The following C17orf75 variants were observed in gnomAD, a reference collection of about 807,000 sequenced individuals.
C17orf75 encodes the protein chromosome 17 open reading frame 75.
A neutral mutation model predicts 49.6 loss-of-function variants in C17orf75; 32 were observed. That is an observed-to-expected ratio of 0.65 (90% CI 0.49 to 0.87). The LOEUF (loss-of-function observed/expected upper bound fraction) is 0.87, where lower values mean the gene tolerates loss of function less well. Ranked by LOEUF, C17orf75 falls within the 40% of genes least tolerant of loss-of-function variation. The probability of loss-of-function intolerance (pLI) is 0.00; values close to 1 mark genes in which losing one functional copy is unlikely to be tolerated. For missense variants in C17orf75, 428 were observed against 473.9 expected, an observed-to-expected ratio of 0.90 and a Z score of 0.90; for synonymous variants, 158 against 159.5, an observed-to-expected ratio of 0.99 and a Z score of 0.07.
intron 1 of C17orf75, among the ~76,000 whole-genome samples, chr17:32,347,466 G>C (rs2041433933): frequency 6.6e-6 from 1 of 151,804 alleles, no homozygotes; most frequent in African/African-American, 2.4e-5. Flanking sequence ...TTTTTTAGTA[G>C]AGACAGGGTT....
At position 32,331,015 on chromosome 17, in the gene C17orf75, A is replaced by T. The variant is rs1354840551; in HGVS notation, c.*748T>A. Reference sequence around the variant, plus strand: ...CAGGCGCCCGCCACCATGCCCGGCTAATTTTTTGTATTTTAGTAGAGACGG... The same window carrying T: ...CAGGCGCCCGCCACCATGCCCGGCTTATTTTTTGTATTTTAGTAGAGACGG... On this transcript the variant is annotated 3_prime_UTR_variant, in exon 10 of 10. Coordinates refer to ENST00000577809, the MANE Select transcript of C17orf75 (RefSeq NM_022344.4). The T allele has an allele frequency of 6.6e-6, 1 of 152,268 alleles. No individual in the cohort carries two copies. The highest frequency in any genetic ancestry group is 1.9e-4 in the East Asian group (1 of 5,202). The allele number at this position is 152,268 out of a possible 1,614,324, so 9.4% of individuals were successfully genotyped here.
upstream of C17orf75, chr17:32,343,618 T>G (rs2041401290): frequency 4.3e-6 from 2 of 468,184 alleles, no homozygotes; most frequent in East Asian, 7.2e-5. Flanking sequence ...ACTCATTTGA[T>G]GAACAAGTGA....
chr17:32,346,728 A>G (rs2041428386), upstream of C17orf75, among the ~76,000 whole-genome samples: 1 of 152,092 alleles, frequency 6.6e-6, no homozygotes, highest in African/African-American at 2.4e-5. Flanking sequence ...ACACGCCACT[A>G]GGCCCAGCTA....
rs1849708226 is a variant in C17orf75 at position 32,334,790 on chromosome 17, T to G, written c.719A>C (p.Lys240Thr). Residue 240 changes from lysine to threonine, a missense_variant, in exon 7 of 10, where the codon AAG (lysine) becomes ACG (threonine). By Grantham distance (78) the Lys-to-Thr change is moderately conservative. Transcript: ENST00000577809. ...VEVKESDEKT[K>T]RDINRFLSVA... ...TGTTCTTTACCTGTTAATGTCTCTC[T>G]TTGTTTTTTCATCTGATTCTTTAAC... 1.2e-6 allele frequency: 2 copies of G among 1,606,588 alleles called. No individual in the cohort carries two copies. The highest frequency in any genetic ancestry group is 3.4e-5 in the Admixed American group (2 of 58,774).
chr17:32,341,271 G>A lies in C17orf75; in HGVS notation c.154C>T (p.Arg52Ter), dbSNP rs768439753. ...SYRGSRLAQQRGDSEDGSPSG... is the reference protein window; with the variant it reads ...SYRGSRLAQQ The stretch of plus-strand genomic sequence containing the variant: ...GGGCTTCCGTCCTCACTGTCCCCTC[G>A]TTGCTGTGCCAATCTACAAGCCACA... Residue 52 changes from arginine to a stop codon, truncating the protein, a stop_gained, in exon 2 of 10, where the codon CGA becomes TGA. Transcript: ENST00000577809. LOFTEE classifies it high-confidence loss of function. The A allele has an allele frequency of 1.7e-5, 27 of 1,613,756 alleles. No homozygotes were observed. Among genetic ancestry groups the A allele is most frequent in the Non-Finnish European group, 2.0e-5 (24 of 1,179,884 alleles).
At chr17:32,337,022 A>G (rs1050918296) in intron 5 of C17orf75, among the ~76,000 whole-genome samples, 3 of 152,120 alleles carry the variant, frequency 2.0e-5, no homozygotes, top group Non-Finnish European at 4.4e-5. Flanking sequence ...ATGGTGGTGC[A>G]TGCCTGTGGT....
At chr17:32,341,419 G>C (rs2041379568) in intron 1 of C17orf75, 135 bp from the exon 2 acceptor site, 3 of 851,720 alleles carry the variant, frequency 3.5e-6, no homozygotes, top group Non-Finnish European at 5.8e-6. Context: ...CTATCCTCAT[G>C]ACAAGGAAAA....
intron 5 of C17orf75, among the ~76,000 whole-genome samples, chr17:32,336,184 G>A (rs1303477665): frequency 6.6e-6 from 1 of 152,156 alleles, no homozygotes; most frequent in Non-Finnish European, 1.5e-5. Context: ...TGAGAGTCAT[G>A]ACTAACAACT....
intron 9 of C17orf75, among the ~76,000 whole-genome samples, chr17:32,333,023 C>T (rs998242017): frequency 3.3e-5 from 5 of 152,166 alleles, no homozygotes; most frequent in African/African-American, 1.2e-4. Flanking sequence ...GTTGGCCAGG[C>T]TGGTCTTGAA....
Position 32,333,416 on chromosome 17 carries a change from C to A in C17orf75, c.975+1G>T. ...CACTTGGCACACAGCCAACTAATTACCTTTAGTTTAAAGTTCTCCAGTACT... is the reference window on the plus strand; with the variant it reads ...CACTTGGCACACAGCCAACTAATTAACTTTAGTTTAAAGTTCTCCAGTACT... On this transcript the variant is annotated splice_donor_variant, in intron 9 of 9. Transcript: ENST00000577809. LOFTEE classifies it high-confidence loss of function. 1.9e-6 allele frequency: 3 copies of A among 1,596,956 alleles called. No individual in the cohort carries two copies. Among genetic ancestry groups the A allele is most frequent in the Non-Finnish European group, 2.6e-6 (3 of 1,170,882 alleles).
chr17:32,349,450 G>A (rs1243845757), intron 1 of C17orf75, among the ~76,000 whole-genome samples: 1 of 151,974 alleles, frequency 6.6e-6, no homozygotes, highest in Non-Finnish European at 1.5e-5. Flanking sequence ...GCTTGGTGGC[G>A]CGGGCCTGCA....
intron 9 of C17orf75, among the ~76,000 whole-genome samples, chr17:32,332,889 A>G (rs1428507284): frequency 6.6e-6 from 1 of 152,144 alleles, no homozygotes; most frequent in Non-Finnish European, 1.5e-5. Flanking sequence ...GGCTCACTGC[A>G]ACCTCTGCCT....
chr17:32,344,100 C>A, upstream of C17orf75: 1 of 567,178 alleles, frequency 1.8e-6, no homozygotes, highest in South Asian at 2.1e-5. Flanking sequence ...AAAAAGAGCC[C>A]ATTTAACCGC....
rs1382323026 is a variant in C17orf75, at chr17:32,333,404, G to A, written c.975+13C>T. 1.3e-6 allele frequency: 2 copies of A among 1,576,486 alleles called. No homozygotes were observed. The highest frequency in any genetic ancestry group is 1.4e-5 in the African/African-American group (1 of 73,312). On this transcript the variant is annotated intron_variant, in intron 9 of 9. Coordinates refer to ENST00000577809, the MANE Select transcript of C17orf75 (RefSeq NM_022344.4). ...AATTTCATGTGGCACTTGGCACACA[G>A]CCAACTAATTACCTTTAGTTTAAAG...
chr17:32,330,179 T>G lies in C17orf75; in HGVS notation c.*1584A>C, dbSNP rs1320124990. On this transcript the variant is annotated 3_prime_UTR_variant, in exon 10 of 10. Coordinates refer to ENST00000577809, the MANE Select transcript of C17orf75 (RefSeq NM_022344.4). ...AATACTATGAAAAATGCTACTTAGA[T>G]TTTTTTCTATACTGCCTACATTCCA... 42 of 152,050 alleles carry G rather than the reference T, an allele frequency of 2.8e-4. No individual in the cohort carries two copies. Among genetic ancestry groups the G allele is most frequent in the Admixed American group, 2.8e-3 (42 of 15,254 alleles). 9.4% of individuals were successfully genotyped at this position (152,050 alleles called of 1,614,324 possible). A position where few individuals can be genotyped will look rare whatever the true frequency, so the allele number is the denominator to read the frequency against.
At chr17:32,342,342 CTGACAAGCT>C, upstream of C17orf75, 1 of 754,358 alleles carries the variant, frequency 1.3e-6, no homozygotes, top group Non-Finnish European at 1.9e-6. Flanking sequence ...TTCGCCTTTA[CTGACAAGCT>C]TTTACCATTT....
chr17:32,345,140 C>T (rs976614375), upstream of C17orf75, among the ~76,000 whole-genome samples: 1 of 151,978 alleles, frequency 6.6e-6, no homozygotes, highest in East Asian at 1.9e-4. Flanking sequence ...TATATCCTCA[C>T]GTCTTTATTG....
At chr17:32,333,623 G>A in intron 8 of C17orf75, 103 bp from the exon 9 acceptor site, 1 of 997,508 alleles carries the variant, frequency 1.0e-6, no homozygotes, top group Non-Finnish European at 1.5e-6. Flanking sequence ...CGGCTGGAGT[G>A]CAGCCGGAGT....
chr17:32,349,272 C>A (rs1352725740), intron 1 of C17orf75, among the ~76,000 whole-genome samples: 1 of 152,150 alleles, frequency 6.6e-6, no homozygotes, highest in Non-Finnish European at 1.5e-5. Flanking sequence ...CTTGCTTGCT[C>A]CCGTTGACTC....
Sources: gnomAD v4.1 joint callset for allele counts (sites outside exome capture counted in the v4.1 genomes callset) on GRCh38, gnomAD v4.1.1 for gene constraint, MANE v1.5 for transcripts, NCBI Gene and HGNC (gene_info 2026-07-23, HGNC 2026-07-21) for gene names.